Variants in ATP6V1B2 observed in about 807,000 individuals in gnomAD.
ATP6V1B2 encodes ATPase H+ transporting V1 subunit B2.
In ATP6V1B2, 23 loss-of-function variants were observed where a neutral mutation model predicts 66.7. That is an observed-to-expected ratio of 0.34 (90% CI 0.25 to 0.49). The LOEUF (loss-of-function observed/expected upper bound fraction) is 0.49, where lower values mean the gene tolerates loss of function less well. Ranked by LOEUF, ATP6V1B2 falls within the 20% of genes least tolerant of loss-of-function variation. ATP6V1B2 has a pLI of 0.99. For synonymous variants in ATP6V1B2, 278 were observed against 236.7 expected (o/e 1.17, Z -1.60); for missense variants, 478 against 650.8 (o/e 0.73, Z 2.89).
chr8:20,207,902 A>G (rs2072754997), intron 2 of ATP6V1B2, among the ~76,000 whole-genome samples: 1 of 152,252 alleles, frequency 6.6e-6, no homozygotes, highest in East Asian at 1.9e-4. Flanking sequence ...TAAGCAATTC[A>G]TAGGAAATGA....
rs754766322 is a variant in ATP6V1B2 at position 20,212,107 on chromosome 8, C to T, written c.711C>T (p.Asn237=). 1.2e-6 allele frequency: 2 copies of T among 1,613,260 alleles called. No individual in the cohort carries two copies. Among genetic ancestry groups the T allele is most frequent in the Admixed American group, 1.7e-5 (1 of 59,916 alleles). Reference sequence around the variant, plus strand: ...ATGAAGTTATTGTTATTTAGGTAAACATGGAAACTGCCCGGTTCTTCAAAT... The same window carrying T: ...ATGAAGTTATTGTTATTTAGGTAAATATGGAAACTGCCCGGTTCTTCAAAT... The part of the protein sequence containing the change: ...FAIVFAAMGV[N]METARFFKSD... The change falls in exon 8 of 14, where the codon AAC becomes AAT. Residue 237 remains asparagine (N), a synonymous_variant. Coordinates refer to ENST00000276390, the MANE Select transcript of ATP6V1B2 (RefSeq NM_001693.4).
chr8:20,205,544 A>G (rs549790986), intron 2 of ATP6V1B2, among the ~76,000 whole-genome samples: 2 of 152,322 alleles, frequency 1.3e-5, no homozygotes, highest in Non-Finnish European at 2.9e-5. Context: ...TGAATGTTAC[A>G]TTGGGTTGTA....
At position 20,200,670 on chromosome 8, in the gene ATP6V1B2, C is replaced by T. The variant is rs114645728; in HGVS notation, c.136+3128C>T. Among the ~76,000 whole-genome samples the T allele has an allele frequency of 3.2e-3, 485 of 152,254 alleles. 8 individuals are homozygous for T. The highest frequency in any genetic ancestry group is 0.011 in the African/African-American group (465 of 41,550). On this transcript the variant is annotated intron_variant, in intron 1 of 13. Transcript: ENST00000276390. ...GATTCAACAACATACATAGAGCTTT[C>T]GGGTGCTATGTATTTTGAATTTGGT...
intron 1 of ATP6V1B2, among the ~76,000 whole-genome samples, chr8:20,200,360 G>T (rs1044751017): frequency 6.6e-6 from 1 of 151,730 alleles, no homozygotes; most frequent in Admixed American, 6.6e-5. Flanking sequence ...GATCCTTTTT[G>T]TGTCCCCACT....
intron 12 of ATP6V1B2, 45 bp downstream of exon 12, chr8:20,217,369 T>G (rs1215187966): frequency 1.3e-6 from 2 of 1,514,468 alleles, no homozygotes; most frequent in Non-Finnish European, 1.8e-6. Context: ...TATGGATACG[T>G]TTCTGCTGTC....
intron 2 of ATP6V1B2, 150 bp from the exon 3 acceptor site, chr8:20,209,283 G>C (rs772844328): frequency 3.5e-5 from 23 of 660,216 alleles, no homozygotes; most frequent in African/African-American, 9.1e-5. Flanking sequence ...TAAACTACCT[G>C]AGGGTATTGA....
intron 2 of ATP6V1B2, among the ~76,000 whole-genome samples, chr8:20,205,747 AATTTTGTGAAGTTAAAGT>A (rs1469032709): frequency 2.0e-5 from 3 of 152,232 alleles, no homozygotes; most frequent in Non-Finnish European, 4.4e-5. Flanking sequence ...GCTGCCAACT[AATTTTGTGAAGTTAAAGT>A]ATCTTTGACT....
At chr8:20,204,389 A>T in intron 1 of ATP6V1B2, 95 bp from the exon 2 acceptor site, 2 of 1,074,284 alleles carry the variant, frequency 1.9e-6, no homozygotes, top group South Asian at 2.8e-5. Flanking sequence ...TCTAATAGAC[A>T]TGATAACGTA....
rs1480662061 is a variant in ATP6V1B2 at position 20,211,174 on chromosome 8, T to TA, written c.464-2dup. ...GAAATTTTCCTTTTTGGAAATACATTAGGTCAGCCAATCAACCCTCAATGT... is the reference window on the plus strand; with the variant it reads ...GAAATTTTCCTTTTTGGAAATACATTAAGGTCAGCCAATCAACCCTCAATGT... On this transcript the variant is annotated splice_region_variant and splice_polypyrimidine_tract_variant and intron_variant, in intron 5 of 13. Transcript: ENST00000276390. The TA allele has an allele frequency of 6.2e-7, 1 of 1,610,308 alleles. No homozygotes were observed. The highest frequency in any genetic ancestry group is 8.5e-7 in the Non-Finnish European group (1 of 1,178,944).
At chr8:20,217,797 A>G (rs1740279842) in intron 12 of ATP6V1B2, among the ~76,000 whole-genome samples, 1 of 152,194 alleles carries the variant, frequency 6.6e-6, no homozygotes, top group African/African-American at 2.4e-5. Flanking sequence ...TAGAAATGGT[A>G]AACTTAGCGA....
chr8:20,214,059 A>T (rs543128871), intron 9 of ATP6V1B2: 1 of 152,202 alleles, frequency 6.6e-6, no homozygotes, highest in Non-Finnish European at 1.5e-5. Context: ...TTGCATGTTG[A>T]TAACAGTTGG....
At chr8:20,204,363 T>C (rs1424106423) in intron 1 of ATP6V1B2, 121 bp from the exon 2 acceptor site, 1 of 793,248 alleles carries the variant, frequency 1.3e-6, no homozygotes, top group African/African-American at 1.8e-5. Flanking sequence ...TTTGTAGCTA[T>C]TTGAGTGTAC....
rs2072718597 is a variant in ATP6V1B2 at position 20,204,523 on chromosome 8, T to C, written c.176T>C (p.Ile59Thr). The change falls in exon 2 of 14, where the codon ATC becomes ACC. Residue 59 changes from isoleucine (I) to threonine (T), a missense_variant. Physicochemically the swap from Ile to Thr is moderately conservative, Grantham distance 89. Around this residue, in one of 2 missense-constraint regions of ATP6V1B2, gnomAD observed 152 missense variants for 105.2 expected, o/e 1.44. Coordinates refer to ENST00000276390, the MANE Select transcript of ATP6V1B2 (RefSeq NM_001693.4). ...TCTGGAGTCAATGGTCCACTAGTGA[T>C]CTTAGATCATGTTAAGGTAATACCA... is the stretch of plus-strand genomic sequence containing the variant. The part of the protein sequence containing the change: ...TVSGVNGPLV[I>T]LDHVKFPRYA... The C allele has an allele frequency of 6.2e-7, 1 of 1,612,404 alleles. No individual in the cohort carries two copies. The highest frequency in any genetic ancestry group is 8.5e-7 in the Non-Finnish European group (1 of 1,178,542).
chr8:20,213,077 G>T lies in ATP6V1B2; in HGVS notation c.927+172G>T, dbSNP rs576013335. 2.3e-5 allele frequency: 18 copies of T among 787,578 alleles called. No homozygotes were observed. The African/African-American group carries it at 3.0e-4, about 13-fold the overall frequency. 48.8% of individuals were successfully genotyped at this position (787,578 alleles called of 1,614,324 possible). A position where few individuals can be genotyped will look rare whatever the true frequency, so the allele number is the denominator to read the frequency against. ...CTACTTCGTTTTTGTCAACTTGGTAGAAGTGATTAGAGGTTAAGATTTAAA... is the reference window on the plus strand; with the variant it reads ...CTACTTCGTTTTTGTCAACTTGGTATAAGTGATTAGAGGTTAAGATTTAAA... On this transcript the variant is annotated intron_variant, in intron 9 of 13. Coordinates refer to ENST00000276390, the MANE Select transcript of ATP6V1B2 (RefSeq NM_001693.4).
intron 2 of ATP6V1B2, 49 bp downstream of exon 2, chr8:20,204,588 A>G (rs754783173): frequency 1.3e-6 from 2 of 1,493,686 alleles, no homozygotes; most frequent in Non-Finnish European, 1.9e-6. Flanking sequence ...AAAATGTGGC[A>G]TTAAGTCCTA....
chr8:20,197,401 G>T lies in ATP6V1B2; in HGVS notation c.-6G>T, dbSNP rs776402221. 6.5e-7 allele frequency: 1 copy of T among 1,535,284 alleles called. No homozygotes were observed. The highest frequency in any genetic ancestry group is 8.8e-7 in the Non-Finnish European group (1 of 1,142,280). On this transcript the variant is annotated 5_prime_UTR_variant, in exon 1 of 14. Transcript: ENST00000276390. Reference sequence around the variant, plus strand: ...CTGCTGGGCCAGTCGGGACAGAGGAGACAAGATGGCGCTGCGGGCGATGCG... The same window carrying T: ...CTGCTGGGCCAGTCGGGACAGAGGATACAAGATGGCGCTGCGGGCGATGCG...
chr8:20,202,111 G>A (rs796988364), intron 1 of ATP6V1B2, among the ~76,000 whole-genome samples: 4 of 152,264 alleles, frequency 2.6e-5, no homozygotes, highest in African/African-American at 9.6e-5. Flanking sequence ...TGCCTGGTGC[G>A]TTAAAAAGTA....
intron 2 of ATP6V1B2, among the ~76,000 whole-genome samples, chr8:20,207,675 TATTATGTAAAA>T (rs1172141494): frequency 6.6e-6 from 1 of 151,986 alleles, no homozygotes; most frequent in Non-Finnish European, 1.5e-5. Flanking sequence ...CAGTATGTTT[TATTATGTAAAA>T]AGTGTTGTGC....
Position 20,212,833 on chromosome 8 carries a change from G to T in ATP6V1B2, c.855G>T (p.Leu285=). ...PRLALTTAEF[L]AYQCEKHVLV... is the part of the protein sequence containing the mutation. ...TGGCTCTAACCACAGCTGAATTTCT[G>T]GCGTACCAATGTGAGAAACATGTAT... The change falls in exon 9 of 14, where the codon CTG becomes CTT. Residue 285 remains leucine, a synonymous_variant. Transcript: ENST00000276390. The T allele has an allele frequency of 6.2e-7, 1 of 1,613,730 alleles. No homozygotes were observed. Among genetic ancestry groups the T allele is most frequent in the Non-Finnish European group, 8.5e-7 (1 of 1,179,784 alleles).
Sources: allele counts gnomAD v4.1 joint callset (sites outside exome capture counted in the v4.1 genomes callset), GRCh38; gene constraint gnomAD v4.1.1; regional missense constraint gnomAD v4.1.1; transcripts MANE v1.5; gene names NCBI Gene and HGNC (gene_info 2026-07-23, HGNC 2026-07-21).